The following LAMC2 variants were observed in gnomAD, a reference collection of about 807,000 sequenced individuals.
LAMC2 encodes the protein laminin subunit gamma-2.
Under a neutral mutation model 140.2 loss-of-function variants are expected in LAMC2, and 97 were observed. That is an observed-to-expected ratio of 0.69 (90% CI 0.59 to 0.82). The LOEUF is 0.82. Ranked by LOEUF, LAMC2 falls within the 40% of genes least tolerant of loss-of-function variation. The probability of loss-of-function intolerance (pLI) is 0.00; values close to 1 mark genes in which losing one functional copy is unlikely to be tolerated. For synonymous variants in LAMC2, 513 were observed against 540.2 expected (o/e 0.95, Z 0.70); for missense variants, 1,402 against 1,476.1 (o/e 0.95, Z 0.82).
At chr1:183,225,793 C>A in intron 8 of LAMC2, 73 bp downstream of exon 8, 1 of 983,388 alleles carries the variant, frequency 1.0e-6, no homozygotes, top group Non-Finnish European at 1.6e-6. Context: ...TCTAAGGTGG[C>A]GGCAGTCTCC....
At chr1:183,249,288 A>T (rs1333635740), downstream of LAMC2, 1 of 152,234 alleles carries the variant, frequency 6.6e-6, no homozygotes, top group African/African-American at 2.4e-5. Context: ...CTAGCAGCAC[A>T]GCCCTCCCAG....
intron 19 of LAMC2, 84 bp from the exon 20 acceptor site, chr1:183,239,280 T>C: frequency 1.6e-6 from 2 of 1,244,548 alleles, no homozygotes; most frequent in Non-Finnish European, 2.4e-6. Context: ...CTTTCAGGAA[T>C]TTTTCTTTAC....
At chr1:183,199,619 G>GT (rs1199008655) in intron 1 of LAMC2, among the ~76,000 whole-genome samples, 31 of 152,220 alleles carry the variant, frequency 2.0e-4, no homozygotes, top group African/African-American at 7.0e-4. Flanking sequence ...TGCTGTAGAA[G>GT]AAGTAAGTCA....
intron 4 of LAMC2, among the ~76,000 whole-genome samples, chr1:183,219,008 A>C (rs1192711505): frequency 1.3e-5 from 2 of 152,210 alleles, no homozygotes; most frequent in African/African-American, 4.8e-5. Flanking sequence ...GGGAGGAGGT[A>C]AGAGCCCTTT....
chr1:183,241,303 C>A, intron 22 of LAMC2: 2 of 983,988 alleles, frequency 2.0e-6, no homozygotes, highest in South Asian at 9.4e-5. Context: ...TACATTTGTT[C>A]CTCCCCAAAC....
intron 12 of LAMC2, among the ~76,000 whole-genome samples, 159 bp downstream of exon 12, chr1:183,231,262 C>A (rs1401219931): frequency 6.6e-6 from 1 of 152,114 alleles, no homozygotes; most frequent in Non-Finnish European, 1.5e-5. Flanking sequence ...TAAAAAAATT[C>A]TGTATAATGA....
At chr1:183,254,134 C>T in the LAMC2 span, among the ~76,000 whole-genome samples, 1 of 152,086 alleles carries the variant, frequency 6.6e-6, no homozygotes, top group East Asian at 1.9e-4. Context: ...TATGACAGTT[C>T]CGTTTTTAAT....
chr1:183,217,595 T>A (rs1198923704), intron 3 of LAMC2, among the ~76,000 whole-genome samples: 2 of 152,190 alleles, frequency 1.3e-5, no homozygotes, highest in Non-Finnish European at 2.9e-5. Context: ...ATGACATAGA[T>A]GAACCTCAAA....
chr1:183,207,881 T>C lies in LAMC2; in HGVS notation c.80T>C (p.Val27Ala), dbSNP rs772538256. The C allele has an allele frequency of 2.5e-6, 4 of 1,596,616 alleles. No homozygotes were observed. The highest frequency in any genetic ancestry group is 3.4e-6 in the Non-Finnish European group (4 of 1,168,812). Residue 27 changes from valine to alanine, a missense_variant and splice_region_variant, in exon 2 of 23, where the codon GTC (valine) becomes GCC (alanine). Val to Ala is a moderately conservative substitution (Grantham distance 64). Coordinates refer to ENST00000264144, the MANE Select transcript of LAMC2 (RefSeq NM_005562.3). Reference protein sequence around the residue: ...PAARATSRREVCDCNGKSRQC... With the variant: ...PAARATSRREACDCNGKSRQC... ...TCTCTTTTGTATGCTTCCTCCCCAG[T>C]CTGTGATTGCAATGGGAAGTCCAGG... is the stretch of plus-strand genomic sequence containing the variant.
At chr1:183,230,242 G>A (rs369410178) in intron 11 of LAMC2, among the ~76,000 whole-genome samples, 3 of 152,182 alleles carry the variant, frequency 2.0e-5, no homozygotes, top group African/African-American at 4.8e-5. Context: ...TGGTGAATAA[G>A]TCATCCCAAC....
intron 1 of LAMC2, among the ~76,000 whole-genome samples, chr1:183,193,105 G>T (rs542185006): frequency 2.0e-5 from 3 of 152,192 alleles, no homozygotes; most frequent in Non-Finnish European, 4.4e-5. Context: ...CGTCTTTTCA[G>T]AAGTCTCCAT....
In LAMC2 at chr1:183,207,923, G is replaced by A. The variant is rs1658945922; in HGVS notation, c.122G>A (p.Arg41Gln). ...AAGTCCAGGCAGTGTATCTTTGATC[G>A]GGAACTTCACAGACAAACTGGTAAT... ...NGKSRQCIFDRELHRQTGNGF... is the reference protein window; with the variant it reads ...NGKSRQCIFDQELHRQTGNGF... Residue 41 changes from arginine to glutamine, a missense_variant, in exon 2 of 23, where the codon CGG becomes CAG. Physicochemically the swap from Arg to Gln is conservative, Grantham distance 43. This residue lies in a region of LAMC2 where 723 missense variants were observed against 783.3 expected (regional missense o/e 0.92). Transcript: ENST00000264144. 1 of 1,611,636 alleles carries A rather than the reference G, an allele frequency of 6.2e-7. No individual in the cohort carries two copies. The highest frequency in any genetic ancestry group is 1.4e-5 in the African/African-American group (1 of 73,858).
chr1:183,194,654 G>A (rs187597267), intron 1 of LAMC2, among the ~76,000 whole-genome samples: 42 of 152,180 alleles, frequency 2.8e-4, no homozygotes, highest in East Asian at 1.7e-3. Flanking sequence ...CATCATAGAA[G>A]GTTTCTTTCC....
At chr1:183,212,969 A>T (rs1217460362) in intron 2 of LAMC2, among the ~76,000 whole-genome samples, 1 of 152,010 alleles carries the variant, frequency 6.6e-6, no homozygotes, top group Non-Finnish European at 1.5e-5. Flanking sequence ...TTCTCTTCTC[A>T]CTCAGACCCC....
intron 3 of LAMC2, among the ~76,000 whole-genome samples, chr1:183,217,136 A>G (rs1001473319): frequency 6.6e-6 from 1 of 152,170 alleles, no homozygotes; most frequent in African/African-American, 2.4e-5. Context: ...GGAGGGGTCA[A>G]GGGTGCTCCA....
intron 1 of LAMC2, among the ~76,000 whole-genome samples, chr1:183,205,011 C>T (rs970602929): frequency 1.3e-5 from 2 of 151,974 alleles, no homozygotes; most frequent in African/African-American, 2.4e-5. Context: ...TTAGTAGAGA[C>T]GGGGTTTCAC....
chr1:183,239,788 A>G (rs1204500761), intron 20 of LAMC2: 1 of 634,588 alleles, frequency 1.6e-6, no homozygotes, highest in African/African-American at 1.8e-5. Context: ...TCTGTTCAAC[A>G]TTTGGTGAGC....
At chr1:183,225,798 G>A in intron 8 of LAMC2, 78 bp downstream of exon 8, 1 of 931,646 alleles carries the variant, frequency 1.1e-6, no homozygotes, top group Non-Finnish European at 1.8e-6. Context: ...GGTGGCGGCA[G>A]TCTCCAAACA....
chr1:183,207,213 G>C (rs1199015363), intron 1 of LAMC2, among the ~76,000 whole-genome samples: 1 of 152,048 alleles, frequency 6.6e-6, no homozygotes, highest in Non-Finnish European at 1.5e-5. Flanking sequence ...TACTATGCTG[G>C]GTGTTTCCGT....
Sources: allele counts gnomAD v4.1 joint callset (sites outside exome capture counted in the v4.1 genomes callset), GRCh38; gene constraint gnomAD v4.1.1; regional missense constraint gnomAD v4.1.1; transcripts MANE v1.5; gene names NCBI Gene and HGNC (gene_info 2026-07-23, HGNC 2026-07-21).